CPQ: variants seen among roughly 807,000 people sequenced by gnomAD.
The protein encoded by CPQ is Ser-Met dipeptidase.
In CPQ, 37 loss-of-function variants were observed where a neutral mutation model predicts 45.7. The ratio of observed to expected loss-of-function variants is 0.81; its 90% CI spans 0.62 to 1.07. The LOEUF (loss-of-function observed/expected upper bound fraction) is 1.07. Ranked by LOEUF, CPQ falls within the 50% of genes least tolerant of loss-of-function variation. The pLI is 0.00. For missense variants in CPQ, 537 were observed against 572.9 expected, an observed-to-expected ratio of 0.94 and a Z score of 0.64; for synonymous variants, 186 against 205.8, an observed-to-expected ratio of 0.90 and a Z score of 0.82.
chr8:97,043,310 C>G (rs1810167105), intron 6 of CPQ, among the ~76,000 whole-genome samples: 2 of 150,736 alleles, frequency 1.3e-5, no homozygotes, highest in Non-Finnish European at 3.0e-5. Flanking sequence ...GATTGCAACC[C>G]CTGCCTTTTT....
intron 1 of CPQ, among the ~76,000 whole-genome samples, chr8:96,756,453 C>A (rs1810327865): frequency 6.6e-6 from 1 of 151,984 alleles, no homozygotes; most frequent in Non-Finnish European, 1.5e-5. Context: ...TAGGTTAATT[C>A]TGAAAGTCAA....
intron 7 of CPQ, among the ~76,000 whole-genome samples, chr8:97,099,117 T>C (rs866815121): frequency 8.4e-4 from 81 of 96,620 alleles, no homozygotes; most frequent in Middle Eastern, 4.8e-3. Context: ...TTCTCTCTCT[T>C]TTTTTTTTTT....
At chr8:96,696,854 C>T (rs961013659) in intron 1 of CPQ, among the ~76,000 whole-genome samples, 13 of 152,152 alleles carry the variant, frequency 8.5e-5, no homozygotes, top group African/African-American at 2.2e-4. Flanking sequence ...TAACAAGTAA[C>T]GAGATGGAAG....
intron 6 of CPQ, among the ~76,000 whole-genome samples, chr8:97,062,780 C>T (rs1810573746): frequency 6.6e-6 from 1 of 152,140 alleles, no homozygotes; most frequent in African/African-American, 2.4e-5. Context: ...CCAGCTCCAT[C>T]CATGTCCCTG....
chr8:96,901,533 T>G (rs1039950675), intron 4 of CPQ, among the ~76,000 whole-genome samples: 2 of 152,206 alleles, frequency 1.3e-5, no homozygotes, highest in Admixed American at 1.3e-4. Context: ...TCAGAATACA[T>G]TTTGCTTTGA....
At chr8:97,089,197 C>T (rs566445199) in intron 7 of CPQ, among the ~76,000 whole-genome samples, 1 of 143,688 alleles carries the variant, frequency 7.0e-6, no homozygotes. Flanking sequence ...GAGCCGAGAT[C>T]GTGCCATTAC....
intron 1 of CPQ, among the ~76,000 whole-genome samples, chr8:96,740,113 T>C (rs1473402484): frequency 2.0e-5 from 3 of 152,060 alleles, no homozygotes; most frequent in Non-Finnish European, 4.4e-5. Flanking sequence ...GTTCTTCCAT[T>C]TGTTTGTATC....
At chr8:97,099,800 C>T (rs766109386) in intron 7 of CPQ, among the ~76,000 whole-genome samples, 15 of 152,298 alleles carry the variant, frequency 9.8e-5, no homozygotes, top group Middle Eastern at 3.4e-3. Flanking sequence ...AATCTCCAGG[C>T]AGTTCTTCCT....
intron 1 of CPQ, among the ~76,000 whole-genome samples, chr8:96,653,777 G>A (rs748884156): frequency 2.6e-5 from 4 of 152,018 alleles, no homozygotes; most frequent in South Asian, 2.1e-4. Context: ...TTGAGTAGGC[G>A]GAGGAGGAGG....
At chr8:97,127,781 G>A (rs1811872317) in intron 7 of CPQ, among the ~76,000 whole-genome samples, 1 of 152,178 alleles carries the variant, frequency 6.6e-6, no homozygotes, top group South Asian at 2.1e-4. Flanking sequence ...AACAAACTAT[G>A]CAATAATGTG....
intron 4 of CPQ, among the ~76,000 whole-genome samples, chr8:96,957,389 C>A (rs1466974082): frequency 6.6e-6 from 1 of 152,174 alleles, no homozygotes; most frequent in Non-Finnish European, 1.5e-5. Context: ...GCTTATAGAT[C>A]TAAATGTTCA....
At chr8:96,686,536 G>A (rs1209752712) in intron 1 of CPQ, among the ~76,000 whole-genome samples, 1 of 151,396 alleles carries the variant, frequency 6.6e-6, no homozygotes, top group Admixed American at 6.6e-5. Context: ...CTTTTATTTG[G>A]TGCATAAACA....
At chr8:96,984,961 C>T (rs1813984599) in intron 5 of CPQ, among the ~76,000 whole-genome samples, 1 of 152,162 alleles carries the variant, frequency 6.6e-6, no homozygotes, top group African/African-American at 2.4e-5. Flanking sequence ...TGAAGTAGGA[C>T]TCATAGTAGT....
chr8:97,091,884 C>CAG (rs148999960), intron 7 of CPQ, among the ~76,000 whole-genome samples: 1,775 of 132,882 alleles, frequency 0.013, 27 homozygotes, highest in South Asian at 0.022. Flanking sequence ...GGATGGATGG[C>CAG]AGAGAGAGAG....
intron 6 of CPQ, among the ~76,000 whole-genome samples, chr8:97,062,594 T>C (rs974128621): frequency 6.6e-6 from 1 of 152,150 alleles, no homozygotes; most frequent in African/African-American, 2.4e-5. Context: ...TAGTACCCAT[T>C]AGTTATTTTT....
At chr8:96,698,293 A>G (rs1006995883) in intron 1 of CPQ, among the ~76,000 whole-genome samples, 1 of 152,200 alleles carries the variant, frequency 6.6e-6, no homozygotes, top group African/African-American at 2.4e-5. Flanking sequence ...CTGGATGTCC[A>G]TATGCAAAAG....
At chr8:96,977,681 G>A (rs1479087848) in intron 5 of CPQ, among the ~76,000 whole-genome samples, 1 of 152,172 alleles carries the variant, frequency 6.6e-6, no homozygotes, top group African/African-American at 2.4e-5. Context: ...CAGCAACCTG[G>A]ATGTAATTGC....
chr8:96,862,132 C>T (rs1054231877), intron 3 of CPQ, among the ~76,000 whole-genome samples: 5 of 151,994 alleles, frequency 3.3e-5, no homozygotes, highest in African/African-American at 1.2e-4. Flanking sequence ...GTGGAGGATG[C>T]AGAGAAACAA....
At chr8:96,883,159 C>A (rs187124256) in intron 4 of CPQ, among the ~76,000 whole-genome samples, 14 of 152,210 alleles carry the variant, frequency 9.2e-5, no homozygotes, top group Non-Finnish European at 1.8e-4. Flanking sequence ...TATGACAATT[C>A]GTTTATCCAT....
Sources: gnomAD v4.1 joint callset for allele counts (sites outside exome capture counted in the v4.1 genomes callset) on GRCh38, gnomAD v4.1.1 for gene constraint, MANE v1.5 for transcripts, NCBI Gene and HGNC (gene_info 2026-07-23, HGNC 2026-07-21) for gene names.